UNK: variants seen among roughly 807,000 people sequenced by gnomAD.
UNK encodes the protein unk zinc finger.
UNK carries 32 observed loss-of-function variants against 97.6 expected under a neutral mutation model. The ratio of observed to expected loss-of-function variants is 0.33; its 90% CI spans 0.25 to 0.44. The LOEUF (loss-of-function observed/expected upper bound fraction) is 0.44, where lower values mean the gene tolerates loss of function less well. Among genes scored for constraint, UNK ranks in the 20% least tolerant of loss-of-function variants. UNK has a pLI of 1.00. For synonymous variants in UNK, 441 were observed against 461.2 expected, an observed-to-expected ratio of 0.96 and a Z score of 0.56; for missense variants, 771 against 1,098.4, an observed-to-expected ratio of 0.70 and a Z score of 4.21.
intron 1 of UNK, among the ~76,000 whole-genome samples, chr17:75,795,940 C>T (rs1284950303): frequency 6.6e-6 from 1 of 152,156 alleles, no homozygotes; most frequent in Non-Finnish European, 1.5e-5. Context: ...GAAATAATTG[C>T]CAGTGATTGG....
chr17:75,789,153 C>G (rs565032280), intron 1 of UNK, among the ~76,000 whole-genome samples: 7 of 151,858 alleles, frequency 4.6e-5, no homozygotes, highest in Non-Finnish European at 8.8e-5. Context: ...TTAAGGGAAA[C>G]TTTGGAATAA....
chr17:75,805,879 TAAC>T (rs1306553745), intron 1 of UNK, among the ~76,000 whole-genome samples: 2 of 151,320 alleles, frequency 1.3e-5, no homozygotes, highest in Admixed American at 6.6e-5. Flanking sequence ...GAATCAGAAT[TAAC>T]AATGAACATT....
At chr17:75,797,436 T>C (rs1301079335) in intron 1 of UNK, among the ~76,000 whole-genome samples, 5 of 152,226 alleles carry the variant, frequency 3.3e-5, no homozygotes, top group Admixed American at 1.3e-4. Flanking sequence ...GGTTTCCCCA[T>C]GTTGGCTAGG....
At chr17:75,800,913 GT>G (rs143021761) in intron 1 of UNK, among the ~76,000 whole-genome samples, 1 of 150,428 alleles carries the variant, frequency 6.6e-6, no homozygotes, top group Admixed American at 6.7e-5. Context: ...CACATTTTTT[GT>G]TTTTTTTGAG....
chr17:75,813,939 T>A (rs1469828982), intron 6 of UNK, 61 bp downstream of exon 6: 1 of 1,449,332 alleles, frequency 6.9e-7, no homozygotes, highest in African/African-American at 1.4e-5. Context: ...GCAGGCAGGA[T>A]CAGTGGAGAT....
chr17:75,800,509 C>T (rs78409592), intron 1 of UNK, among the ~76,000 whole-genome samples: 10 of 151,566 alleles, frequency 6.6e-5, no homozygotes, highest in Non-Finnish European at 1.3e-4. Flanking sequence ...GAGGCCGAGG[C>T]GGGCGGATCA....
In UNK at chr17:75,792,030, T is replaced by C. The variant is rs564475783; in HGVS notation, c.104+7046T>C. On this transcript the variant is annotated intron_variant, in intron 1 of 15. Transcript: ENST00000589666. Reference sequence around the variant, plus strand: ...CCCTGATGCCTGAAGGTGAGGTCTCTTTCCTGTGTGTCTTAGAAGCCATGA... The same window carrying C: ...CCCTGATGCCTGAAGGTGAGGTCTCCTTCCTGTGTGTCTTAGAAGCCATGA... 8.7e-5 allele frequency: 86 copies of C among 985,460 alleles called. No individual in the cohort carries two copies. The Middle Eastern group carries it at 1.6e-3, about 18-fold the overall frequency. 61.0% of individuals were successfully genotyped at this position (985,460 alleles called of 1,614,324 possible).
Position 75,819,856 on chromosome 17 carries a change from C to G in UNK, c.1649-64C>G, listed in dbSNP as rs1599389903. 4 of 1,605,926 alleles carry G rather than the reference C, an allele frequency of 2.5e-6. No homozygotes were observed. The highest frequency in any genetic ancestry group is 4.5e-5 in the East Asian group (2 of 44,688). On this transcript the variant is annotated intron_variant, in intron 12 of 15. Transcript: ENST00000589666. The surrounding 1 kb of genome is among the most constrained non-coding windows in gnomAD (Gnocchi z 5.4). ...TCCTGCCTGGCTCAGGCCCCTTGCT[C>G]TGTGTGGCCCGCCTGGCTTCCGCTG...
At chr17:75,822,803 C>A in intron 14 of UNK, 145 bp downstream of exon 14, 1 of 1,086,810 alleles carries the variant, frequency 9.2e-7, no homozygotes, top group South Asian at 1.8e-5. Flanking sequence ...TCGCTCTCCC[C>A]CTGGGAGGAC....
intron 1 of UNK, among the ~76,000 whole-genome samples, chr17:75,802,168 T>C (rs1311800485): frequency 6.6e-6 from 1 of 150,664 alleles, no homozygotes; most frequent in Non-Finnish European, 1.5e-5. Flanking sequence ...TTTCTGACCA[T>C]TGCTTGCTTT....
intron 2 of UNK, 142 bp from the exon 3 acceptor site, chr17:75,811,970 G>C: frequency 9.4e-7 from 1 of 1,060,640 alleles, no homozygotes; most frequent in South Asian, 1.7e-5. Flanking sequence ...TGGCGACAGA[G>C]CAAGACTCCG....
Position 75,812,582 on chromosome 17 carries a change from C to G in UNK, c.619C>G (p.Gln207Glu). 1.2e-6 allele frequency: 2 copies of G among 1,612,780 alleles called. No homozygotes were observed. The highest frequency in any genetic ancestry group is 1.7e-6 in the Non-Finnish European group (2 of 1,179,682). ...GATCCTCAGCGAGGAGCCTCGGTGG[C>G]AAGGTACAGGCATCCACACCTCGGC... ...EKILSEEPRWQETAYVLGNYK... is the reference protein window; with the variant it reads ...EKILSEEPRWEETAYVLGNYK... The change falls in exon 4 of 16, where the codon CAA becomes GAA. Residue 207 changes from glutamine to glutamate, a missense_variant. By Grantham distance (29) the Gln-to-Glu change is conservative (BLOSUM62 2). Transcript: ENST00000589666.
chr17:75,822,544 C>T lies in UNK; in HGVS notation c.1905C>T (p.Ser635=). ...FASGSFSPGT[S]PAFLSGPGAA... ...CTGGAAGCTTCTCCCCGGGCACTTC[C>T]CCCGCTTTCCTATCAGGGCCAGGGG... The change falls in exon 14 of 16, where the codon TCC becomes TCT. Residue 635 remains serine, a synonymous_variant. Coordinates refer to ENST00000589666, the MANE Select transcript of UNK (RefSeq NM_001080419.3). The T allele has an allele frequency of 1.9e-6, 3 of 1,613,678 alleles. No individual in the cohort carries two copies. The South Asian group carries it at 3.3e-5, about 18-fold the overall frequency.
Position 75,797,238 on chromosome 17 carries a change from T to C in UNK, c.104+12254T>C, listed in dbSNP as rs1211167533. ...AAGCTTGTATATATTTGTTTTTTGT[T>C]TTTGTTTTTGTTTTTGAGATGGAGT... is the stretch of plus-strand genomic sequence containing the variant. On this transcript the variant is annotated intron_variant, in intron 1 of 15. Transcript: ENST00000589666. 2.0e-5 allele frequency among the ~76,000 whole-genome samples: 3 copies of C among 152,170 alleles called. No individual in the cohort carries two copies. The East Asian group carries it at 5.8e-4, about 29-fold the overall frequency.
intron 1 of UNK, among the ~76,000 whole-genome samples, chr17:75,788,566 C>T (rs2061734461): frequency 1.3e-5 from 2 of 152,174 alleles, no homozygotes; most frequent in Admixed American, 6.5e-5. Context: ...GTTGGTCAGG[C>T]TGGTCTTGAA....
At chr17:75,792,283 T>C (rs1002514489) in intron 1 of UNK, 1 of 977,032 alleles carries the variant, frequency 1.0e-6, no homozygotes, top group Non-Finnish European at 1.2e-6. Flanking sequence ...TTAAGTTTTT[T>C]TGTTTTTGTT....
chr17:75,785,005 C>T (rs775449771), intron 1 of UNK, 21 bp downstream of exon 1: 2 of 1,393,734 alleles, frequency 1.4e-6, no homozygotes, highest in Non-Finnish European at 1.9e-6. Flanking sequence ...CCCCCCCCCC[C>T]CCGCCGCGCG....
intron 1 of UNK, among the ~76,000 whole-genome samples, chr17:75,809,230 C>G (rs747301765): frequency 1.3e-5 from 2 of 152,126 alleles, no homozygotes; most frequent in Admixed American, 6.5e-5. Context: ...TCAGTAGTCC[C>G]GAGGGATGCC....
At chr17:75,788,325 A>G (rs556377960) in intron 1 of UNK, among the ~76,000 whole-genome samples, 2 of 152,092 alleles carry the variant, frequency 1.3e-5, no homozygotes, top group East Asian at 3.9e-4. Flanking sequence ...GACTGCAGGC[A>G]CACGCCACCA....
Sources: allele counts gnomAD v4.1 joint callset (sites outside exome capture counted in the v4.1 genomes callset), GRCh38; gene constraint gnomAD v4.1.1; non-coding constraint Gnocchi (gnomAD v3.1); transcripts MANE v1.5; gene names NCBI Gene and HGNC (gene_info 2026-07-23, HGNC 2026-07-21).